Variants in TAF1C observed in about 807,000 individuals in gnomAD.
TAF1C encodes the protein TATA box-binding protein-associated factor RNA polymerase I subunit C.
Under a neutral mutation model 70.5 loss-of-function variants are expected in TAF1C, and 79 were observed. The observed-to-expected ratio is 1.12, with a 90% confidence interval of 0.93 to 1.35. The LOEUF (loss-of-function observed/expected upper bound fraction) is 1.35, where lower values mean the gene tolerates loss of function less well. TAF1C is among the 40% of genes most tolerant of loss of function. The pLI, the probability that TAF1C is intolerant of heterozygous loss-of-function variation, is 0.00. For missense variants in TAF1C, 1,412 were observed against 1,127.8 expected, an observed-to-expected ratio of 1.25 and a Z score of -3.61; for synonymous variants, 614 against 491.1, an observed-to-expected ratio of 1.25 and a Z score of -3.31.
rs2088840033 is a variant in TAF1C at position 84,178,055 on chromosome 16, CAA to C, written c.*884_*885del. ...ACAGACCCGGGTCCCTGCAAAATCTCAAGTGAGCATTTTCCCCACAGGAAAAC... is the reference window on the plus strand; with the variant it reads ...ACAGACCCGGGTCCCTGCAAAATCTCGTGAGCATTTTCCCCACAGGAAAAC... On this transcript the variant is annotated 3_prime_UTR_variant, in exon 15 of 15. Coordinates refer to ENST00000566732, the MANE Select transcript of TAF1C (RefSeq NM_001243156.2). 1 of 547,166 alleles carries C rather than the reference CAA, an allele frequency of 1.8e-6. No homozygotes were observed. Among genetic ancestry groups the C allele is most frequent in the Admixed American group, 2.7e-5 (1 of 37,528 alleles). 33.9% of individuals were successfully genotyped at this position (547,166 alleles called of 1,614,324 possible). A position where few individuals can be genotyped will look rare whatever the true frequency, so the allele number is the denominator to read the frequency against.
intron 14 of TAF1C, 21 bp downstream of exon 14, chr16:84,179,925 T>TCACTCCCCCACCCAGCA (rs1182811164): frequency 6.3e-7 from 1 of 1,595,832 alleles, no homozygotes; most frequent in Admixed American, 1.7e-5. Flanking sequence ...CCCCCCAAGC[T>TCACTCCCCCACCCAGCA]CACTCCCCCA....
intron 1 of TAF1C, among the ~76,000 whole-genome samples, chr16:84,186,335 C>T (rs1285525194): frequency 1.3e-5 from 2 of 152,236 alleles, no homozygotes; most frequent in Non-Finnish European, 2.9e-5. Context: ...GGGCGGATCA[C>T]CTGAGGCCAG....
At position 84,184,967 on chromosome 16, in the gene TAF1C, G is replaced by A. The variant is rs747153539; in HGVS notation, c.22C>T (p.Arg8Cys). The A allele has an allele frequency of 2.1e-5, 34 of 1,613,526 alleles. No homozygotes were observed. The highest frequency in any genetic ancestry group is 1.1e-4 in the East Asian group (5 of 44,868). ...GGGCCGGTCAGAAACAATGCAGGGC[G>A]GAGGGAGCTGGGGAAGTCCATCCTG... Reference protein sequence around the residue: MDFPSSLRPALFLTGPLG... With the variant: MDFPSSLCPALFLTGPLG... The change falls in exon 2 of 15, where the codon CGC becomes TGC. Residue 8 changes from arginine (R) to cysteine (C), a missense_variant. Arg to Cys is a radical substitution (Grantham distance 180, BLOSUM62 -3). Coordinates refer to ENST00000566732, the MANE Select transcript of TAF1C (RefSeq NM_001243156.2).
At position 84,178,913 on chromosome 16, in the gene TAF1C, G is replaced by C; in HGVS notation, c.*28C>G. 6.4e-7 allele frequency: 1 copy of C among 1,551,874 alleles called. No individual in the cohort carries two copies. Among genetic ancestry groups the C allele is most frequent in the Non-Finnish European group, 8.7e-7 (1 of 1,153,566 alleles). On this transcript the variant is annotated 3_prime_UTR_variant, in exon 15 of 15. Transcript: ENST00000566732. ...CAGAGGAAGGATGAGGGGCTCTCTG[G>C]GGCTTGAGGGCAGCCCACCTTGTGT... is the stretch of plus-strand genomic sequence containing the variant.
chr16:84,181,604 C>A lies in TAF1C; in HGVS notation c.1016G>T (p.Ser339Ile). 6.2e-7 allele frequency: 1 copy of A among 1,613,984 alleles called. No homozygotes were observed. Among genetic ancestry groups the A allele is most frequent in the South Asian group, 1.1e-5 (1 of 91,082 alleles). The change falls in exon 10 of 15, where the codon AGC (serine) becomes ATC (isoleucine). Residue 339 changes from serine (S) to isoleucine (I), a missense_variant. Transcript: ENST00000566732. ...GAAGCGGCGATACCCATCCTCAGGG[C>A]TCCACAGGCAGACGGCTCCCGAGCG... ...CSRSGAVCLW[S>I]PEDGLRQIYR...
chr16:84,181,069 G>C lies in TAF1C; in HGVS notation c.1282C>G (p.Pro428Ala), dbSNP rs368065785. The C allele has an allele frequency of 4.2e-5, 67 of 1,611,680 alleles. No homozygotes were observed. The highest frequency in any genetic ancestry group is 1.0e-4 in the Admixed American group (6 of 59,950). ...TGGGTACAGACGAGATGAAGAGTAG[G>C]GGGGAGGCATTTGGGGCTGGAGTGC... ...LGHSSPKCLPPTLHLVCTQFS... is the reference protein window; with the variant it reads ...LGHSSPKCLPATLHLVCTQFS... The change falls in exon 12 of 15, where the codon CCT becomes GCT. Residue 428 changes from proline (P) to alanine (A), a missense_variant. Physicochemically the swap from Pro to Ala is conservative, Grantham distance 27 (BLOSUM62 -1). Transcript: ENST00000566732.
rs186382482 is a variant in TAF1C, at chr16:84,179,928, C to A, written c.1621+18G>T. 6.3e-7 allele frequency: 1 copy of A among 1,595,564 alleles called. No homozygotes were observed. The highest frequency in any genetic ancestry group is 1.4e-5 in the African/African-American group (1 of 73,788). ...TTTTCCACTGCGCCCCCCAAGCTCA[C>A]TCCCCCACCCAGCACACCTATGGTC... On this transcript the variant is annotated intron_variant, in intron 14 of 14. Coordinates refer to ENST00000566732, the MANE Select transcript of TAF1C (RefSeq NM_001243156.2).
chr16:84,178,409 C>T lies in TAF1C; in HGVS notation c.*532G>A, dbSNP rs935198504. 5 of 457,434 alleles carry T rather than the reference C, an allele frequency of 1.1e-5. No individual in the cohort carries two copies. The highest frequency in any genetic ancestry group is 2.2e-5 in the Non-Finnish European group (5 of 227,766). The allele number at this position is 457,434 out of a possible 1,614,324, so 28.3% of individuals were successfully genotyped here. ...CTTCAGCTGCCAAGTGTATTTAGTC[C>T]CTGAACCTGGATCCAAGGCATCTCC... On this transcript the variant is annotated 3_prime_UTR_variant, in exon 15 of 15. Transcript: ENST00000566732.
chr16:84,179,226 A>G lies in TAF1C; in HGVS notation c.2247T>C (p.Pro749=), dbSNP rs1273577478. Residue 749 remains proline (P), a synonymous_variant, in exon 15 of 15, where the codon CCT becomes CCC. Coordinates refer to ENST00000566732, the MANE Select transcript of TAF1C (RefSeq NM_001243156.2). ...CAGCAGGTGGCCACTCAGGGCTATG[A>G]GGGGAGCTGGTGTCCTCTGAGGGAT... ...HVDPSEDTSS[P]HSPEWPPADA... is the part of the protein sequence containing the mutation. The G allele has an allele frequency of 9.5e-6, 15 of 1,584,700 alleles. No homozygotes were observed. The highest frequency in any genetic ancestry group is 1.2e-5 in the Non-Finnish European group (14 of 1,171,874).
rs535443477 is a variant in TAF1C at position 84,185,094 on chromosome 16, T to A, written c.-72-34A>T. The A allele has an allele frequency of 7.2e-6, 10 of 1,379,874 alleles. No homozygotes were observed. In the Admixed American group the frequency reaches 2.6e-4, roughly 36 times the overall value. 85.5% of individuals were successfully genotyped at this position (1,379,874 alleles called of 1,614,324 possible). A position where few individuals can be genotyped will look rare whatever the true frequency, so the allele number is the denominator to read the frequency against. Reference sequence around the variant, plus strand: ...TGAAAAGTGCACTACGGGAAGCATATGTTCTTTGAGGAAGCAGATAACAAA... The same window carrying A: ...TGAAAAGTGCACTACGGGAAGCATAAGTTCTTTGAGGAAGCAGATAACAAA... On this transcript the variant is annotated intron_variant, in intron 1 of 14. Transcript: ENST00000566732.
At position 84,179,442 on chromosome 16, in the gene TAF1C, T is replaced by C. The variant is rs1369468540; in HGVS notation, c.2031A>G (p.Ala677=). The change falls in exon 15 of 15, where the codon GCA becomes GCG. Residue 677 remains alanine (A), a synonymous_variant. Coordinates refer to ENST00000566732, the MANE Select transcript of TAF1C (RefSeq NM_001243156.2). ...LQRDLGSLPA[A]EPPPAPESGL... is the part of the protein sequence containing the mutation. ...CTGACTCGGGTGCAGGGGGTGGCTC[T>C]GCCGCAGGGAGGGAGCCCAGGTCTC... 1.9e-6 allele frequency: 3 copies of C among 1,597,034 alleles called. No individual in the cohort carries two copies. Among genetic ancestry groups the C allele is most frequent in the Non-Finnish European group, 1.7e-6 (2 of 1,177,020 alleles).
chr16:84,179,116 C>G lies in TAF1C; in HGVS notation c.2357G>C (p.Arg786Pro). 1 of 1,609,306 alleles carries G rather than the reference C, an allele frequency of 6.2e-7. No individual in the cohort carries two copies. Among genetic ancestry groups the G allele is most frequent in the Admixed American group, 1.7e-5 (1 of 59,948 alleles). ...ACAQGVPSEQ[R>P]QMLRDYMAKL... ...GGCCATGTAGTCACGGAGCATCTGC[C>G]GCTGCTCTGATGGGACGCCCTGGGC... The change falls in exon 15 of 15, where the codon CGG (arginine) becomes CCG (proline). Residue 786 changes from arginine to proline, a missense_variant. Transcript: ENST00000566732.
In TAF1C at chr16:84,179,162, C is replaced by T. The variant is rs1236047592; in HGVS notation, c.2311G>A (p.Glu771Lys). The change falls in exon 15 of 15, where the codon GAG (glutamate) becomes AAG (lysine). Residue 771 changes from glutamate to lysine, a missense_variant. Physicochemically the swap from Glu to Lys is moderately conservative, Grantham distance 56 (BLOSUM62 1). Transcript: ENST00000566732. Reference protein sequence around the residue: ...PLPPTTPPSQELTPDACAQGV... With the variant: ...PLPPTTPPSQKLTPDACAQGV... ...TGGGCGCATGCATCCGGAGTCAACT[C>T]CTGGGAGGGCGGGGTCGTGGGGGGC... 6.2e-7 allele frequency: 1 copy of T among 1,603,402 alleles called. No individual in the cohort carries two copies. The highest frequency in any genetic ancestry group is 8.5e-7 in the Non-Finnish European group (1 of 1,178,638).
chr16:84,186,031 A>C (rs2089465307), intron 1 of TAF1C, among the ~76,000 whole-genome samples: 1 of 152,236 alleles, frequency 6.6e-6, no homozygotes, highest in East Asian at 1.9e-4. Context: ...CTCGCTGACC[A>C]AGCGCCAGCA....
Position 84,181,784 on chromosome 16 carries a change from T to C in TAF1C, c.918A>G (p.Ala306=), listed in dbSNP as rs2230127. The C allele has an allele frequency of 0.38, 613,792 of 1,613,792 alleles. 118,344 individuals carry two copies. The highest frequency in any genetic ancestry group is 0.49 in the Admixed American group (29,169 of 59,998). Reference sequence around the variant, plus strand: ...CCGTGGCCCCTTTCTCCACCTGCATTGCCTGCAGAAGGGTTGGCTGCCACT... The same window carrying C: ...CCGTGGCCCCTTTCTCCACCTGCATCGCCTGCAGAAGGGTTGGCTGCCACT... ...GKQWQPTLLQ[A]MQVEKGATGI... Residue 306 remains alanine (A), a synonymous_variant, in exon 9 of 15, where the codon GCA becomes GCG. Transcript: ENST00000566732.
rs141932401 is a variant in TAF1C, at chr16:84,181,828, C to T, written c.874G>A (p.Val292Met). Residue 292 changes from valine to methionine, a missense_variant, in exon 9 of 15, where the codon GTG becomes ATG. By Grantham distance (21) the Val-to-Met change is conservative. Transcript: ENST00000566732. ...TGCCACTGTTTACCAAACTTCCACA[C>T]GGCACAGTGGTAGTCAGAGCGGACG... ...LAVRSDYHCA[V>M]WKFGKQWQPT... The T allele has an allele frequency of 3.9e-4, 622 of 1,614,034 alleles. No homozygotes were observed. The highest frequency in any genetic ancestry group is 5.8e-4 in the East Asian group (26 of 44,892).
chr16:84,182,163 C>T lies in TAF1C; in HGVS notation c.721+39G>A, dbSNP rs751772289. On this transcript the variant is annotated intron_variant, in intron 7 of 14. Coordinates refer to ENST00000566732, the MANE Select transcript of TAF1C (RefSeq NM_001243156.2). This position sits in a 1 kb window ranked among gnomAD's most constrained non-coding sequence, Gnocchi z 5.0. Reference sequence around the variant, plus strand: ...CCAAGAGCACCTCCTCTACCAGAGGCGAGCCCGCTGGAATCTCCTGTCTCG... The same window carrying T: ...CCAAGAGCACCTCCTCTACCAGAGGTGAGCCCGCTGGAATCTCCTGTCTCG... The T allele has an allele frequency of 1.0e-5, 16 of 1,592,534 alleles. No homozygotes were observed. The highest frequency in any genetic ancestry group is 5.4e-5 in the African/African-American group (4 of 74,488).
chr16:84,182,356 G>C lies in TAF1C; in HGVS notation c.567C>G (p.His189Gln), dbSNP rs1334579883. 13 of 1,611,728 alleles carry C rather than the reference G, an allele frequency of 8.1e-6. No homozygotes were observed. The South Asian group carries it at 1.4e-4, about 18-fold the overall frequency. The stretch of plus-strand genomic sequence containing the variant: ...GCTCCTCGTGCAGCAGCTCTGCCAA[G>C]TGGCTCGCCACCGACGTGCCCAGGA... ...GPILGTSVAS[H>Q]LAELLHEELV... is the part of the protein sequence containing the mutation. The change falls in exon 7 of 15, where the codon CAC (histidine) becomes CAG (glutamine). Residue 189 changes from histidine to glutamine, a missense_variant. By Grantham distance (24) the His-to-Gln change is conservative. Coordinates refer to ENST00000566732, the MANE Select transcript of TAF1C (RefSeq NM_001243156.2). The surrounding 1 kb of genome is among the most constrained non-coding windows in gnomAD (Gnocchi z 5.0).
Position 84,178,923 on chromosome 16 carries a change from G to T in TAF1C, c.*18C>A, listed in dbSNP as rs140164652. ...ATGAGGGGCTCTCTGGGGCTTGAGG[G>T]CAGCCCACCTTGTGTCCTCAGAAGC... On this transcript the variant is annotated 3_prime_UTR_variant, in exon 15 of 15. Transcript: ENST00000566732. 793 of 1,565,558 alleles carry T rather than the reference G, an allele frequency of 5.1e-4. 2 individuals carry two copies. The African/African-American group carries it at 9.9e-3, about 20-fold the overall frequency.
Sources: allele counts gnomAD v4.1 joint callset (sites outside exome capture counted in the v4.1 genomes callset), GRCh38; gene constraint gnomAD v4.1.1; non-coding constraint Gnocchi (gnomAD v3.1); transcripts MANE v1.5; gene names NCBI Gene and HGNC (gene_info 2026-07-23, HGNC 2026-07-21).